The following SUN1 variants were observed in gnomAD, a reference collection of about 807,000 sequenced individuals.
The protein encoded by SUN1 is Sad1 and UNC84 domain containing 1, also known as SUN domain-containing protein 1.
Under a neutral mutation model 103.2 loss-of-function variants are expected in SUN1, and 61 were observed. The ratio of observed to expected loss-of-function variants is 0.59; its 90% confidence interval spans 0.48 to 0.73. SUN1 has a LOEUF of 0.73. SUN1 is among the 30% of genes least tolerant of loss of function. The pLI, the probability that SUN1 is intolerant of heterozygous loss-of-function variation, is 0.00. For missense variants in SUN1, 1,052 were observed against 1,034.6 expected, an observed-to-expected ratio of 1.02 and a Z score of -0.23; for synonymous variants, 490 against 425.7, an observed-to-expected ratio of 1.15 and a Z score of -1.86.
Position 872,508 on chromosome 7 carries a change from G to C in SUN1, c.2187G>C (p.Leu729=). The C allele has an allele frequency of 6.2e-7, 1 of 1,605,260 alleles. No homozygotes were observed. The highest frequency in any genetic ancestry group is 8.5e-7 in the Non-Finnish European group (1 of 1,175,814). Residue 729 remains leucine (L), a synonymous_variant, in exon 18 of 19, where the codon CTG becomes CTC. Coordinates refer to ENST00000401592, the MANE Select transcript of SUN1 (RefSeq NM_001130965.3). ...ENEYQEEGQL[L]GQFTYDQDGE... ...AGTATCAGGAAGAAGGGCAGCTTCT[G>C]GGACAGTTCACGTATGATCAGGATG... is the stretch of plus-strand genomic sequence containing the variant.
chr7:859,881 A>G (rs1381298834), intron 13 of SUN1, among the ~76,000 whole-genome samples: 1 of 152,124 alleles, frequency 6.6e-6, no homozygotes, highest in Non-Finnish European at 1.5e-5. Context: ...ATGCCCCACT[A>G]TGTCCTTCAG....
At chr7:824,529 A>G (rs1044209727) in intron 1 of SUN1, among the ~76,000 whole-genome samples, 3 of 152,228 alleles carry the variant, frequency 2.0e-5, no homozygotes, top group African/African-American at 7.2e-5. Context: ...ATATGTATAA[A>G]CTAAATAATT....
chr7:838,429 AC>A (rs1256448225), intron 1 of SUN1, among the ~76,000 whole-genome samples: 7 of 152,136 alleles, frequency 4.6e-5, no homozygotes, highest in African/African-American at 1.7e-4. Flanking sequence ...ATTAAATCTC[AC>A]GTCCGCGTAG....
At chr7:839,301 C>G (rs1281300407) in intron 2 of SUN1, 5 of 292,120 alleles carry the variant, frequency 1.7e-5, no homozygotes, top group Non-Finnish European at 3.2e-5. Flanking sequence ...GTGGTGGGAG[C>G]TCAGCTACAG....
intron 1 of SUN1, among the ~76,000 whole-genome samples, chr7:822,528 C>T (rs774755077): frequency 6.6e-6 from 1 of 152,158 alleles, no homozygotes; most frequent in Non-Finnish European, 1.5e-5. Flanking sequence ...GCCCTTTGGT[C>T]GCTTTGTTCT....
chr7:829,030 C>T (rs540466893), upstream of SUN1, among the ~76,000 whole-genome samples: 156 of 152,376 alleles, frequency 1.0e-3, no homozygotes, highest in African/African-American at 3.5e-3. Flanking sequence ...CCAGGCATGA[C>T]ACTCAGGGCA....
upstream of SUN1, among the ~76,000 whole-genome samples, chr7:816,459 T>TTCCCCC (rs1292114106): frequency 4.9e-5 from 3 of 61,292 alleles, no homozygotes; most frequent in Non-Finnish European, 1.0e-4. Context: ...CCCCCTCCCC[T>TTCCCCC]TCCCCCGCCT....
upstream of SUN1, among the ~76,000 whole-genome samples, chr7:832,301 T>A (rs1798699854): frequency 6.6e-6 from 1 of 152,204 alleles, no homozygotes; most frequent in Non-Finnish European, 1.5e-5. Flanking sequence ...GGGACTAGAT[T>A]ATGATAGAAG....
rs969806905 is a variant in SUN1, at chr7:859,065, A to G, written c.1525-1063A>G. Among the ~76,000 whole-genome samples, 87 of 151,496 alleles carry G rather than the reference A, an allele frequency of 5.7e-4. 1 individual carries two copies. Among genetic ancestry groups the G allele is most frequent in the African/African-American group, 2.1e-3 (86 of 41,196 alleles). ...CTACTTGGTAGGCTGAGGCAGGACAATTGCTTGAACCCAGGAGGTGGAGGT... is the reference window on the plus strand; with the variant it reads ...CTACTTGGTAGGCTGAGGCAGGACAGTTGCTTGAACCCAGGAGGTGGAGGT... On this transcript the variant is annotated intron_variant, in intron 13 of 18. Coordinates refer to ENST00000401592, the MANE Select transcript of SUN1 (RefSeq NM_001130965.3).
intron 1 of SUN1, among the ~76,000 whole-genome samples, chr7:818,051 A>G (rs189364323): frequency 3.4e-3 from 514 of 152,244 alleles, no homozygotes; most frequent in Middle Eastern, 0.01. Context: ...TACTTCATAA[A>G]TGGAGTATCC....
At chr7:817,879 G>A (rs1052090243) in intron 1 of SUN1, among the ~76,000 whole-genome samples, 2 of 151,998 alleles carry the variant, frequency 1.3e-5, no homozygotes, top group Non-Finnish European at 1.5e-5. Context: ...GCTTGGGCTG[G>A]CTTTATAATT....
At chr7:857,724 T>G in intron 12 of SUN1, 104 bp from the exon 13 acceptor site, 1 of 1,393,328 alleles carries the variant, frequency 7.2e-7, no homozygotes, top group Non-Finnish European at 9.5e-7. Flanking sequence ...TGTACAGTTG[T>G]GACACCCAGG....
chr7:858,526 C>T (rs573581716), intron 13 of SUN1, among the ~76,000 whole-genome samples: 1 of 152,332 alleles, frequency 6.6e-6, no homozygotes, highest in Admixed American at 6.5e-5. Flanking sequence ...TGGTATGCGT[C>T]CTTGGTGTGC....
At chr7:849,798 T>A in intron 5 of SUN1, 1 of 1,184,410 alleles carries the variant, frequency 8.4e-7, no homozygotes, top group Non-Finnish European at 1.2e-6. Flanking sequence ...TTGCTTTGAT[T>A]GTTGACTGTC....
In SUN1 at chr7:872,070, C is replaced by T. The variant is rs1293912961; in HGVS notation, c.2149-400C>T. On this transcript the variant is annotated intron_variant, in intron 17 of 18. Coordinates refer to ENST00000401592, the MANE Select transcript of SUN1 (RefSeq NM_001130965.3). ...TCCCAAAGTCGGTCTTCTGTGGCCC[C>T]TCCTCCTGCTGGTGAGGCCTCATCT... 3.3e-5 allele frequency among the ~76,000 whole-genome samples: 5 copies of T among 152,230 alleles called. No individual in the cohort carries two copies. In the East Asian group the frequency reaches 5.8e-4, roughly 18 times the overall value.
chr7:836,869 T>C (rs1803767230), intron 1 of SUN1, among the ~76,000 whole-genome samples: 2 of 152,164 alleles, frequency 1.3e-5, no homozygotes, highest in Admixed American at 6.5e-5. Flanking sequence ...GGCATCTGGC[T>C]TTTCTGGGAA....
At chr7:843,608 T>G in intron 5 of SUN1, 88 bp downstream of exon 5, 1 of 1,608,652 alleles carries the variant, frequency 6.2e-7, no homozygotes, top group Non-Finnish European at 8.5e-7. Context: ...CTGCACTATT[T>G]GTCTTGGAGA....
intron 16 of SUN1, among the ~76,000 whole-genome samples, 174 bp downstream of exon 16, chr7:866,241 G>A (rs1021828827): frequency 1.3e-5 from 2 of 152,166 alleles, no homozygotes; most frequent in Admixed American, 1.3e-4. Flanking sequence ...TCCCCGTGTA[G>A]CCTCCACGCT....
intron 5 of SUN1, among the ~76,000 whole-genome samples, chr7:849,262 T>C (rs994089531): frequency 1.3e-5 from 2 of 152,248 alleles, no homozygotes; most frequent in Non-Finnish European, 2.9e-5. Flanking sequence ...CCCAGAACTA[T>C]TTTAAGCAGG....
Sources: gnomAD v4.1 joint callset for allele counts (sites outside exome capture counted in the v4.1 genomes callset) on GRCh38, gnomAD v4.1.1 for gene constraint, MANE v1.5 for transcripts, NCBI Gene and HGNC (gene_info 2026-07-23, HGNC 2026-07-21) for gene names.